IL1RAPL1: variants seen among roughly 807,000 people sequenced by gnomAD.
IL1RAPL1 encodes the protein interleukin-1 receptor accessory protein-like 1.
In IL1RAPL1, 3 loss-of-function variants were observed where a neutral mutation model predicts 48.4. The observed-to-expected ratio is 0.06, with a 90% CI of 0.03 to 0.16. IL1RAPL1 has a LOEUF of 0.16. Ranked by LOEUF, IL1RAPL1 falls within the 10% of genes least tolerant of loss-of-function variation. The pLI, the probability that IL1RAPL1 is intolerant of heterozygous loss-of-function variation, is 1.00. For synonymous variants in IL1RAPL1, 185 were observed against 187.7 expected (o/e 0.99, Z 0.12); for missense variants, 349 against 530.6 (o/e 0.66, Z 3.36).
At chrX:29,084,381 T>C (rs1418375002) in intron 2 of IL1RAPL1, among the ~76,000 whole-genome samples, 1 of 112,016 alleles carries the variant, frequency 8.9e-6, no homozygotes, top group Non-Finnish European at 1.9e-5. Context: ...TATTAAATTC[T>C]TTTAAAATAT....
chrX:28,688,561 A>C (rs1411210968), intron 1 of IL1RAPL1, among the ~76,000 whole-genome samples: 2 of 111,348 alleles, frequency 1.8e-5, no homozygotes, highest in Admixed American at 9.5e-5. Context: ...GCACTTTTTC[A>C]TTTTATTCTC....
At chrX:29,848,582 T>C (rs1287439105) in intron 6 of IL1RAPL1, among the ~76,000 whole-genome samples, 1 of 111,850 alleles carries the variant, frequency 8.9e-6, no homozygotes, top group African/African-American at 3.3e-5. Flanking sequence ...CCAAAGCAAC[T>C]AAATAGTTAT....
intron 5 of IL1RAPL1, among the ~76,000 whole-genome samples, chrX:29,432,463 G>A (rs1176503409): frequency 1.8e-5 from 2 of 110,966 alleles, no homozygotes; most frequent in East Asian, 5.7e-4. Flanking sequence ...ATCTCTTTGA[G>A]CAACTCTCCC....
At chrX:29,801,264 C>T (rs956929897) in intron 6 of IL1RAPL1, among the ~76,000 whole-genome samples, 2 of 110,016 alleles carry the variant, frequency 1.8e-5, no homozygotes, top group Non-Finnish European at 3.8e-5. Context: ...AGGATAGGGA[C>T]TATTAACACA....
At chrX:29,220,704 A>T (rs1348801096) in intron 2 of IL1RAPL1, among the ~76,000 whole-genome samples, 1 of 112,079 alleles carries the variant, frequency 8.9e-6, no homozygotes, top group African/African-American at 3.2e-5. Context: ...AGATCTTCTG[A>T]TGTTCTTCTT....
intron 6 of IL1RAPL1, among the ~76,000 whole-genome samples, chrX:29,787,398 A>T (rs1929522354): frequency 8.9e-6 from 1 of 112,430 alleles, no homozygotes; most frequent in Admixed American, 9.4e-5. Context: ...AGCCAACAAC[A>T]TACAAATTTT....
intron 5 of IL1RAPL1, among the ~76,000 whole-genome samples, chrX:29,534,048 T>C (rs1921132653): frequency 8.9e-6 from 1 of 111,761 alleles, no homozygotes. Flanking sequence ...CTCCTGCCCT[T>C]CCACCATGAG....
chrX:29,231,115 T>A (rs1412537574), intron 2 of IL1RAPL1, among the ~76,000 whole-genome samples: 1 of 112,047 alleles, frequency 8.9e-6, no homozygotes, highest in African/African-American at 3.2e-5. Flanking sequence ...TGTTTGCAGA[T>A]AGGATGGTTG....
intron 5 of IL1RAPL1, among the ~76,000 whole-genome samples, chrX:29,568,842 A>T (rs772777382): frequency 9.9e-5 from 11 of 111,343 alleles, no homozygotes; most frequent in African/African-American, 3.2e-4. Flanking sequence ...ATGTGGAAAA[A>T]AGCAAAAGAA....
At chrX:29,265,101 C>T (rs1403927201) in intron 2 of IL1RAPL1, among the ~76,000 whole-genome samples, 2 of 110,242 alleles carry the variant, frequency 1.8e-5, no homozygotes, top group Admixed American at 9.7e-5. Flanking sequence ...TTAGAAGAGT[C>T]GGAATTTCAC....
chrX:29,311,415 A>G (rs1299829013), intron 3 of IL1RAPL1, among the ~76,000 whole-genome samples: 1 of 112,057 alleles, frequency 8.9e-6, no homozygotes, highest in African/African-American at 3.2e-5. Context: ...TTTCAGGAAT[A>G]CTAGCCTGTC....
chrX:29,791,460 G>A (rs1282939081), intron 6 of IL1RAPL1, among the ~76,000 whole-genome samples: 1 of 88,167 alleles, frequency 1.1e-5, no homozygotes, highest in African/African-American at 4.5e-5. Flanking sequence ...TTTTGCTCTT[G>A]TTGCCCAGGC....
At chrX:29,618,744 T>C (rs904317697) in intron 5 of IL1RAPL1, among the ~76,000 whole-genome samples, 4 of 111,758 alleles carry the variant, frequency 3.6e-5, no homozygotes, top group Admixed American at 9.6e-5. Context: ...AAAAAGTCCC[T>C]TTTACCTTAT....
intron 6 of IL1RAPL1, among the ~76,000 whole-genome samples, chrX:29,819,207 A>T (rs1252599103): frequency 8.9e-6 from 1 of 112,047 alleles, no homozygotes; most frequent in African/African-American, 3.2e-5. Flanking sequence ...TTTAGCAGCA[A>T]ATTTAATATA....
In IL1RAPL1 at chrX:29,444,658, G is replaced by T. The variant is rs16988546; in HGVS notation, c.703+45350G>T. On this transcript the variant is annotated intron_variant, in intron 5 of 10. Coordinates refer to ENST00000378993, the MANE Select transcript of IL1RAPL1 (RefSeq NM_014271.4). ...TTGTGAATTAGTAGCTCCAGAATGT[G>T]GCTGATACAATGAGATCAGCAGGGT... is the stretch of plus-strand genomic sequence containing the variant. 3.9e-3 allele frequency among the ~76,000 whole-genome samples: 437 copies of T among 111,842 alleles called. 1 individual carries two copies. The highest frequency in any genetic ancestry group is 0.014 in the African/African-American group (420 of 30,826).
intron 2 of IL1RAPL1, among the ~76,000 whole-genome samples, chrX:29,238,145 A>G (rs1208855591): frequency 3.6e-5 from 4 of 111,082 alleles, no homozygotes; most frequent in African/African-American, 9.9e-5. Flanking sequence ...GCTCATGACT[A>G]TTGAGAAAGA....
chrX:28,995,423 A>G (rs1477316072), intron 2 of IL1RAPL1, among the ~76,000 whole-genome samples: 1 of 110,320 alleles, frequency 9.1e-6, no homozygotes, highest in African/African-American at 3.4e-5. Context: ...ATCATACTTA[A>G]AAGACCCATA....
intron 1 of IL1RAPL1, among the ~76,000 whole-genome samples, chrX:28,738,337 G>A (rs1277301816): frequency 9.0e-6 from 1 of 111,713 alleles, no homozygotes; most frequent in Non-Finnish European, 1.9e-5. Context: ...TGCTTATTAT[G>A]GGCCATGCAC....
chrX:29,615,693 TAA>T (rs996522692), intron 5 of IL1RAPL1, among the ~76,000 whole-genome samples: 1 of 104,441 alleles, frequency 9.6e-6, no homozygotes, highest in Admixed American at 1.0e-4. Context: ...CTACTAAACT[TAA>T]AAAAAAAAGT....
Sources: gnomAD v4.1 joint callset for allele counts (sites outside exome capture counted in the v4.1 genomes callset) on GRCh38, gnomAD v4.1.1 for gene constraint, MANE v1.5 for transcripts, NCBI Gene and HGNC (gene_info 2026-07-23, HGNC 2026-07-21) for gene names.